Variants in GAS2 observed in about 807,000 individuals in gnomAD.
GAS2 encodes the protein growth arrest-specific protein 2.
Under a neutral mutation model 37.5 loss-of-function variants are expected in GAS2, and 20 were observed. The observed-to-expected ratio is 0.53, with a 90% CI of 0.37 to 0.77. The LOEUF is 0.77. Among genes scored for constraint, GAS2 ranks in the 30% least tolerant of loss-of-function variants. The pLI is 0.00. For missense variants in GAS2, 336 were observed against 373.4 expected, an observed-to-expected ratio of 0.90 and a Z score of 0.82; for synonymous variants, 144 against 132.2, an observed-to-expected ratio of 1.09 and a Z score of -0.61.
At chr11:22,789,315 C>T (rs867700199) in intron 7 of GAS2, among the ~76,000 whole-genome samples, 1,522 of 134,228 alleles carry the variant, frequency 0.011, 35 homozygotes, top group African/African-American at 0.039. Context: ...CACACACACA[C>T]ACACACACAC....
At chr11:22,649,999 A>G (rs994452552) in intron 1 of GAS2, among the ~76,000 whole-genome samples, 1 of 151,474 alleles carries the variant, frequency 6.6e-6, no homozygotes, top group Non-Finnish European at 1.5e-5. Flanking sequence ...AGTTCTTTTA[A>G]TTGTGATGTT....
intron 2 of GAS2, among the ~76,000 whole-genome samples, chr11:22,684,511 A>C (rs988901756): frequency 6.2e-5 from 8 of 128,820 alleles, no homozygotes; most frequent in African/African-American, 2.4e-4. Context: ...TTACACAAAA[A>C]ATTAAGGCAG....
chr11:22,697,741 T>C (rs2134004103), intron 3 of GAS2, among the ~76,000 whole-genome samples: 1 of 152,338 alleles, frequency 6.6e-6, no homozygotes, highest in East Asian at 1.9e-4. Flanking sequence ...TTTGGCTCTC[T>C]GTTTGTCTGT....
chr11:22,739,440 G>T (rs1367672877), intron 5 of GAS2, among the ~76,000 whole-genome samples: 1 of 151,798 alleles, frequency 6.6e-6, no homozygotes, highest in Admixed American at 6.6e-5. Flanking sequence ...CGGGTGTGGT[G>T]GTGGGCGCCT....
At chr11:22,640,339 A>G (rs999854395) in intron 1 of GAS2, among the ~76,000 whole-genome samples, 2 of 152,368 alleles carry the variant, frequency 1.3e-5, no homozygotes, top group South Asian at 4.1e-4. Flanking sequence ...GAAATTTGTG[A>G]TATGGAAAAT....
intron 7 of GAS2, among the ~76,000 whole-genome samples, chr11:22,811,020 T>C (rs1476907911): frequency 6.6e-6 from 1 of 152,142 alleles, no homozygotes; most frequent in Non-Finnish European, 1.5e-5. Context: ...TAATATTAAA[T>C]TTTCTGATAT....
intron 7 of GAS2, among the ~76,000 whole-genome samples, chr11:22,800,757 C>T (rs1203169632): frequency 1.3e-5 from 2 of 152,068 alleles, no homozygotes; most frequent in African/African-American, 4.8e-5. Context: ...TCAAGCAGAT[C>T]TATGCTGGGG....
At position 22,628,984 on chromosome 11, in the gene GAS2, G is replaced by A. The variant is rs11026707; in HGVS notation, c.-21+3171G>A. Among the ~76,000 whole-genome samples, 142 of 143,870 alleles carry A rather than the reference G, an allele frequency of 9.9e-4. 1 individual carries two copies. Among genetic ancestry groups the A allele is most frequent in the Non-Finnish European group, 3.8e-4 (25 of 66,302 alleles). The allele number at this position is 143,870 out of a possible 152,430, so 94.4% of individuals were successfully genotyped here. A position where few individuals can be genotyped will look rare whatever the true frequency, so the allele number is the denominator to read the frequency against. On this transcript the variant is annotated intron_variant, in intron 1 of 5. Coordinates refer to the GAS2 transcript ENST00000528582. ...ATTATTTCATTCTTTTTATGGCTGAGTAGTATTCCATGGTATGTGTGTGTG... is the reference window on the plus strand; with the variant it reads ...ATTATTTCATTCTTTTTATGGCTGAATAGTATTCCATGGTATGTGTGTGTG...
chr11:22,733,826 A>G (rs1852609153), intron 4 of GAS2, among the ~76,000 whole-genome samples: 1 of 151,780 alleles, frequency 6.6e-6, no homozygotes, highest in Non-Finnish European at 1.5e-5. Context: ...CATTTGTGTA[A>G]TAATCACCAT....
rs543597607 is a variant in GAS2 at position 22,776,330 on chromosome 11, C to A, written c.723+20377C>A. Among the ~76,000 whole-genome samples the A allele has an allele frequency of 3.6e-3, 545 of 152,270 alleles. 1 individual carries two copies. Among genetic ancestry groups the A allele is most frequent in the African/African-American group, 0.012 (516 of 41,546 alleles). ...AATGAATTTGCGTGGTGGCTGTGTT[C>A]CAATAACACTGTACTTACAAAAATA... is the stretch of plus-strand genomic sequence containing the variant. On this transcript the variant is annotated intron_variant, in intron 7 of 7. Transcript: ENST00000454584.
rs111660323 is a variant in GAS2 at position 22,779,551 on chromosome 11, A to C, written c.723+23598A>C. ...CATCTCTACTAAAAATATAAAAATT[A>C]GTCAGGTGTGGTGGCATGCACCTGT... On this transcript the variant is annotated intron_variant, in intron 7 of 7. Coordinates refer to ENST00000454584, the MANE Select transcript of GAS2 (RefSeq NM_001143830.3). Among the ~76,000 whole-genome samples, 1,332 of 152,262 alleles carry C rather than the reference A, an allele frequency of 8.7e-3. 19 individuals carry two copies. Among genetic ancestry groups the C allele is most frequent in the African/African-American group, 0.03 (1,257 of 41,550 alleles).
At chr11:22,685,644 T>C (rs775742138) in intron 2 of GAS2, 24 bp from the exon 3 acceptor site, 3 of 1,604,590 alleles carry the variant, frequency 1.9e-6, no homozygotes, top group Admixed American at 1.7e-5. Context: ...TTTCCTTTTA[T>C]AATGCTTCTT....
intron 7 of GAS2, among the ~76,000 whole-genome samples, chr11:22,777,594 T>G (rs940767982): frequency 6.6e-6 from 1 of 152,132 alleles, no homozygotes; most frequent in African/African-American, 2.4e-5. Flanking sequence ...GGATTTTAAT[T>G]TGAGAGCACC....
chr11:22,755,369 T>TA (rs1207569943), intron 6 of GAS2, among the ~76,000 whole-genome samples: 4 of 152,100 alleles, frequency 2.6e-5, no homozygotes, highest in Middle Eastern at 3.4e-3. Context: ...ATAGTCTCCT[T>TA]AAAAAAACAA....
chr11:22,765,761 A>G (rs1854655585), intron 7 of GAS2, among the ~76,000 whole-genome samples: 1 of 147,238 alleles, frequency 6.8e-6, no homozygotes. Flanking sequence ...CCTGGGTGAT[A>G]GAGTGAGACT....
At chr11:22,640,760 C>G (rs2133817149) in intron 1 of GAS2, among the ~76,000 whole-genome samples, 2 of 152,140 alleles carry the variant, frequency 1.3e-5, no homozygotes, top group African/African-American at 4.8e-5. Context: ...GAAATTTTTT[C>G]ACCACGTATG....
chr11:22,660,090 A>T (rs1414886134), intron 1 of GAS2, among the ~76,000 whole-genome samples: 1 of 152,206 alleles, frequency 6.6e-6, no homozygotes, highest in Non-Finnish European at 1.5e-5. Context: ...GTGTGTCATT[A>T]GGTAAGCTTT....
chr11:22,669,764 C>T (rs1849129221), intron 1 of GAS2, among the ~76,000 whole-genome samples: 1 of 152,120 alleles, frequency 6.6e-6, no homozygotes. Context: ...CATTAAGTGT[C>T]ATTTTGCTTT....
At chr11:22,660,346 T>C (rs954960949) in intron 1 of GAS2, among the ~76,000 whole-genome samples, 4 of 152,208 alleles carry the variant, frequency 2.6e-5, no homozygotes, top group South Asian at 2.1e-4. Flanking sequence ...AATATCTTTA[T>C]CTTAGGGAAT....
Sources: gnomAD v4.1 joint callset for allele counts (sites outside exome capture counted in the v4.1 genomes callset) on GRCh38, gnomAD v4.1.1 for gene constraint, MANE v1.5 for transcripts, NCBI Gene and HGNC (gene_info 2026-07-23, HGNC 2026-07-21) for gene names.